SULF1: variants seen among roughly 807,000 people sequenced by gnomAD.
The protein encoded by SULF1 is extracellular sulfatase Sulf-1.
A neutral mutation model predicts 110.5 loss-of-function variants in SULF1; 46 were observed. That is an observed-to-expected ratio of 0.42 (90% CI 0.33 to 0.53). SULF1 has a LOEUF of 0.53. SULF1 is among the 20% of genes least tolerant of loss of function. SULF1 has a pLI of 0.12. For synonymous variants in SULF1, 371 were observed against 387.1 expected (o/e 0.96, Z 0.49); for missense variants, 941 against 1,094.2 (o/e 0.86, Z 1.98).
At chr8:69,473,997 A>G (rs1186305198) in intron 1 of SULF1, among the ~76,000 whole-genome samples, 5 of 152,184 alleles carry the variant, frequency 3.3e-5, no homozygotes, top group Non-Finnish European at 7.4e-5. Flanking sequence ...TCCTTTGATG[A>G]CAGAGGCTCA....
chr8:69,559,857 CT>C (rs1386727615), intron 3 of SULF1, among the ~76,000 whole-genome samples: 2 of 152,118 alleles, frequency 1.3e-5, no homozygotes, highest in Admixed American at 6.5e-5. Context: ...GGTTTTACTG[CT>C]TCATCTTAAG....
At chr8:69,638,441 A>G in intron 19 of SULF1, 61 bp from the exon 20 acceptor site, 1 of 1,569,520 alleles carries the variant, frequency 6.4e-7, no homozygotes, top group Non-Finnish European at 8.6e-7. Flanking sequence ...CTGGAATGGC[A>G]AGCCTGCCTA....
At chr8:69,483,424 G>A (rs1809584381) in intron 1 of SULF1, among the ~76,000 whole-genome samples, 1 of 151,834 alleles carries the variant, frequency 6.6e-6, no homozygotes, top group South Asian at 2.1e-4. Flanking sequence ...AACAGGCTGT[G>A]AAGGTTACTT....
At chr8:69,561,542 T>C (rs1391470518) in intron 3 of SULF1, among the ~76,000 whole-genome samples, 1 of 152,220 alleles carries the variant, frequency 6.6e-6, no homozygotes, top group Non-Finnish European at 1.5e-5. Flanking sequence ...AGCATCTGAA[T>C]TGTCAAGAAC....
chr8:69,574,317 A>G (rs951654323), intron 5 of SULF1, among the ~76,000 whole-genome samples: 7 of 152,244 alleles, frequency 4.6e-5, no homozygotes, highest in Non-Finnish European at 1.0e-4. Flanking sequence ...CAGGAAATCA[A>G]TGTGTTGTTC....
intron 12 of SULF1, 88 bp from the exon 13 acceptor site, chr8:69,604,715 G>A (rs1664734321): frequency 2.6e-6 from 4 of 1,538,680 alleles, no homozygotes; most frequent in Non-Finnish European, 3.5e-6. Context: ...GGAGTCATGT[G>A]ACAGGGTAAA....
intron 13 of SULF1, among the ~76,000 whole-genome samples, chr8:69,620,794 A>G (rs1809536625): frequency 1.3e-5 from 2 of 152,168 alleles, no homozygotes; most frequent in South Asian, 4.1e-4. Flanking sequence ...CTCTAGTGAC[A>G]TTGAGGTAGT....
chr8:69,570,996 C>T (rs1805190160), intron 5 of SULF1, among the ~76,000 whole-genome samples: 2 of 152,242 alleles, frequency 1.3e-5, no homozygotes, highest in African/African-American at 4.8e-5. Flanking sequence ...TTGTGTCTGG[C>T]TCCCACTTCA....
At chr8:69,597,388 C>T (rs1807425198) in intron 8 of SULF1, 1 of 152,228 alleles carries the variant, frequency 6.6e-6, no homozygotes, top group Non-Finnish European at 1.5e-5. Flanking sequence ...CACACTCTGT[C>T]CCTGCTGCCT....
chr8:69,475,572 C>T (rs888584838), intron 1 of SULF1, among the ~76,000 whole-genome samples: 4 of 152,062 alleles, frequency 2.6e-5, no homozygotes, highest in African/African-American at 7.2e-5. Context: ...AAGCCCAGGA[C>T]ACAGGGAAAT....
At chr8:69,482,576 G>A in intron 1 of SULF1, among the ~76,000 whole-genome samples, 1 of 151,930 alleles carries the variant, frequency 6.6e-6, no homozygotes, top group Non-Finnish European at 1.5e-5. Flanking sequence ...TAAAATCTCT[G>A]TTTGTATATA....
At position 69,595,301 on chromosome 8, in the gene SULF1, C is replaced by G. The variant is rs145134616; in HGVS notation, c.735-5302C>G. Among the ~76,000 whole-genome samples the G allele has an allele frequency of 3.0e-3, 459 of 152,330 alleles. 3 individuals carry two copies. Among genetic ancestry groups the G allele is most frequent in the African/African-American group, 0.01 (430 of 41,562 alleles). On this transcript the variant is annotated intron_variant, in intron 8 of 22. Coordinates refer to ENST00000402687, the MANE Select transcript of SULF1 (RefSeq NM_001128205.2). Reference sequence around the variant, plus strand: ...ATCTTCTCACTCCACCAGACTTACTCAGTTCACATCACAGTCACAATTCAG... The same window carrying G: ...ATCTTCTCACTCCACCAGACTTACTGAGTTCACATCACAGTCACAATTCAG...
intron 9 of SULF1, 89 bp downstream of exon 9, chr8:69,600,842 C>A: frequency 7.4e-7 from 1 of 1,359,354 alleles, no homozygotes; most frequent in Non-Finnish European, 1.0e-6. Flanking sequence ...GGTTTTTTCC[C>A]CTTCATTTTC....
intron 2 of SULF1, among the ~76,000 whole-genome samples, chr8:69,499,064 G>A (rs1257584170): frequency 1.3e-5 from 2 of 152,070 alleles, no homozygotes; most frequent in African/African-American, 4.8e-5. Context: ...TCACAATGTT[G>A]CCCAGGCTGG....
At chr8:69,592,871 G>T (rs1198124958) in intron 8 of SULF1, 3 of 972,530 alleles carry the variant, frequency 3.1e-6, no homozygotes, top group Non-Finnish European at 3.7e-6. Flanking sequence ...CTCTTGACAA[G>T]CTAAGACTCC....
intron 3 of SULF1, among the ~76,000 whole-genome samples, chr8:69,526,443 CA>C (rs1401545244): frequency 6.6e-6 from 1 of 151,700 alleles, no homozygotes; most frequent in Non-Finnish European, 1.5e-5. Context: ...TCTTCCATTT[CA>C]AAATATTTGT....
Position 69,603,607 on chromosome 8 carries a change from A to T in SULF1, c.1198A>T (p.Thr400Ser). The T allele has an allele frequency of 6.2e-7, 1 of 1,613,420 alleles. No individual in the cohort carries two copies. Among genetic ancestry groups the T allele is most frequent in the Middle Eastern group, 1.6e-4 (1 of 6,062 alleles). ...DPEKPGNRFR[T>S]NKKAKIWRDT... ...TTATCATTTTGCTTTCAGGTTTCGA[A>T]CAAACAAGAAGGCCAAAATTTGGCG... The change falls in exon 12 of 23, where the codon ACA becomes TCA. Residue 400 changes from threonine to serine, a missense_variant. By Grantham distance (58) the Thr-to-Ser change is moderately conservative. Transcript: ENST00000402687.
intron 6 of SULF1, among the ~76,000 whole-genome samples, chr8:69,582,169 T>C (rs1467545330): frequency 6.6e-6 from 1 of 151,676 alleles, no homozygotes; most frequent in Non-Finnish European, 1.5e-5. Context: ...ACCCCAACAA[T>C]GAAGTAACTT....
At chr8:69,614,274 A>G (rs1808903829) in intron 13 of SULF1, among the ~76,000 whole-genome samples, 1 of 152,218 alleles carries the variant, frequency 6.6e-6, no homozygotes, top group Non-Finnish European at 1.5e-5. Context: ...TTGAGCTTGC[A>G]AATCCAGACT....
Sources: gnomAD v4.1 joint callset for allele counts (sites outside exome capture counted in the v4.1 genomes callset) on GRCh38, gnomAD v4.1.1 for gene constraint, MANE v1.5 for transcripts, NCBI Gene and HGNC (gene_info 2026-07-23, HGNC 2026-07-21) for gene names.